GABBR2: variants seen among roughly 807,000 people sequenced by gnomAD.
GABBR2 encodes the protein gamma-aminobutyric acid type B receptor subunit 2.
In GABBR2, 23 loss-of-function variants were observed where a neutral mutation model predicts 105.6. The ratio of observed to expected loss-of-function variants is 0.22; its 90% CI spans 0.16 to 0.31. The LOEUF (loss-of-function observed/expected upper bound fraction) is 0.31. Ranked by LOEUF, GABBR2 falls within the 10% of genes least tolerant of loss-of-function variation. The probability of loss-of-function intolerance (pLI) is 1.00; values close to 1 mark genes in which losing one functional copy is unlikely to be tolerated. For missense variants in GABBR2, 734 were observed against 1,245.5 expected, an observed-to-expected ratio of 0.59 and a Z score of 6.18; for synonymous variants, 478 against 499.7, an observed-to-expected ratio of 0.96 and a Z score of 0.58.
At chr9:98,430,852 T>C (rs1039914874) in intron 7 of GABBR2, among the ~76,000 whole-genome samples, 2 of 152,044 alleles carry the variant, frequency 1.3e-5, no homozygotes, top group African/African-American at 4.8e-5. Context: ...TTCACTTCCT[T>C]TGTGCTCCTC....
chr9:98,570,281 G>T (rs34629716), intron 2 of GABBR2, among the ~76,000 whole-genome samples: 10,325 of 152,272 alleles, frequency 0.068, 471 homozygotes, highest in African/African-American at 0.12. Context: ...TGGGGACAGC[G>T]CTGGGAGAAA....
chr9:98,644,733 G>A (rs946756805), intron 1 of GABBR2, among the ~76,000 whole-genome samples: 8 of 152,292 alleles, frequency 5.3e-5, no homozygotes, highest in African/African-American at 1.9e-4. Flanking sequence ...TCAGGAGGCT[G>A]AGGCAGGAAA....
intron 13 of GABBR2, among the ~76,000 whole-genome samples, chr9:98,325,537 C>A (rs1158368054): frequency 2.6e-5 from 4 of 152,036 alleles, no homozygotes; most frequent in Non-Finnish European, 1.5e-5. Flanking sequence ...GGTGATCTAC[C>A]CATCTCGGTC....
intron 1 of GABBR2, among the ~76,000 whole-genome samples, chr9:98,691,485 G>A (rs1174101527): frequency 6.6e-6 from 1 of 152,194 alleles, no homozygotes; most frequent in African/African-American, 2.4e-5. Flanking sequence ...CGTTGACTGG[G>A]GGGTTGTGTT....
In GABBR2 at chr9:98,394,224, G is replaced by T; in HGVS notation, c.1329C>A (p.Asn443Lys). Residue 443 changes from asparagine to lysine, a missense_variant, in exon 9 of 19, where the codon AAC (asparagine) becomes AAA (lysine). Around this residue, in one of 7 missense-constraint regions of GABBR2, gnomAD observed 370 missense variants for 648.9 expected, o/e 0.57. Transcript: ENST00000259455. ...TGATCTCCAGTGTGTCGGCCACAGC[G>T]TTGTACTCTCCCACCTTCACCTCCC... The part of the protein sequence containing the change: ...DSREVKVGEY[N>K]AVADTLEIIN... 1.2e-6 allele frequency: 2 copies of T among 1,613,878 alleles called. No individual in the cohort carries two copies. The highest frequency in any genetic ancestry group is 1.7e-6 in the Non-Finnish European group (2 of 1,179,768).
chr9:98,326,546 C>T (rs1319865716), intron 13 of GABBR2, among the ~76,000 whole-genome samples: 2 of 152,188 alleles, frequency 1.3e-5, no homozygotes, highest in Non-Finnish European at 1.5e-5. Context: ...GTGGAAGTGA[C>T]ATTTGACTCT....
At position 98,708,706 on chromosome 9, in the gene GABBR2, C is replaced by T; in HGVS notation, c.32G>A (p.Gly11Glu). Residue 11 changes from glycine (G) to glutamate (E), a missense_variant, in exon 1 of 19, where the codon GGG becomes GAG. Physicochemically the swap from Gly to Glu is moderately conservative, Grantham distance 98. Around this residue, in one of 7 missense-constraint regions of GABBR2, gnomAD observed 70 missense variants for 73.4 expected, o/e 0.95. Transcript: ENST00000259455. ...CGGCGGTGGCGGCGGCGGCGGCGGC[C>T]CGGGCTGCCCGGAGCTCCGCGGGGA... is the stretch of plus-strand genomic sequence containing the variant. MASPRSSGQP[G>E]PPPPPPPPPA... The T allele has an allele frequency of 1.0e-6, 1 of 1,000,364 alleles. No individual in the cohort carries two copies. The highest frequency in any genetic ancestry group is 4.5e-5 in the South Asian group (1 of 22,172). The allele number at this position is 1,000,364 out of a possible 1,614,324, so 62.0% of individuals were successfully genotyped here.
chr9:98,567,535 T>C (rs191062059), intron 2 of GABBR2, among the ~76,000 whole-genome samples: 3 of 152,192 alleles, frequency 2.0e-5, no homozygotes, highest in Non-Finnish European at 2.9e-5. Flanking sequence ...CACACAACTT[T>C]AGATCTGAAG....
intron 7 of GABBR2, among the ~76,000 whole-genome samples, chr9:98,421,372 C>T (rs988104535): frequency 1.3e-4 from 20 of 152,208 alleles, no homozygotes; most frequent in Non-Finnish European, 2.5e-4. Context: ...AATGTACAAT[C>T]TTATTCCAAG....
chr9:98,507,542 A>G (rs557335288), intron 3 of GABBR2, among the ~76,000 whole-genome samples: 1 of 152,322 alleles, frequency 6.6e-6, no homozygotes, highest in East Asian at 1.9e-4. Flanking sequence ...TGAACTTCTG[A>G]TCTTCAGAAC....
At chr9:98,300,827 G>C (rs1253514299) in intron 16 of GABBR2, among the ~76,000 whole-genome samples, 1 of 152,228 alleles carries the variant, frequency 6.6e-6, no homozygotes, top group East Asian at 1.9e-4. Flanking sequence ...ATGCTACAGA[G>C]AGGCCAAGAA....
At chr9:98,613,442 G>A (rs113724551) in intron 1 of GABBR2, among the ~76,000 whole-genome samples, 132 of 42,276 alleles carry the variant, frequency 3.1e-3, no homozygotes, top group Admixed American at 7.8e-3. Context: ...ACTGTCTCAG[G>A]GGAAGAAAAA....
intron 7 of GABBR2, among the ~76,000 whole-genome samples, chr9:98,425,418 A>C (rs955794600): frequency 5.9e-5 from 9 of 152,156 alleles, no homozygotes; most frequent in African/African-American, 2.2e-4. Flanking sequence ...TGTGCTTGGT[A>C]CACATGTGTT....
chr9:98,308,637 A>G (rs1049074882), intron 14 of GABBR2, among the ~76,000 whole-genome samples: 25 of 152,188 alleles, frequency 1.6e-4, no homozygotes, highest in Non-Finnish European at 3.2e-4. Context: ...AGAGAAGGCC[A>G]TGTGGAGACA....
At chr9:98,526,485 C>T (rs1010490788) in intron 3 of GABBR2, among the ~76,000 whole-genome samples, 7 of 152,242 alleles carry the variant, frequency 4.6e-5, no homozygotes, top group African/African-American at 1.7e-4. Context: ...CTTTGAGGCT[C>T]TGCTTGACTT....
intron 17 of GABBR2, among the ~76,000 whole-genome samples, chr9:98,298,079 TCTCA>T (rs1830411572): frequency 6.6e-6 from 1 of 151,470 alleles, no homozygotes; most frequent in Admixed American, 6.6e-5. Context: ...AATAGTCCCT[TCTCA>T]CTCACTTTCC....
intron 1 of GABBR2, among the ~76,000 whole-genome samples, chr9:98,580,340 A>G (rs976630936): frequency 6.6e-6 from 1 of 152,118 alleles, no homozygotes; most frequent in African/African-American, 2.4e-5. Context: ...CATAGTTCCT[A>G]AAATTATCTG....
intron 1 of GABBR2, among the ~76,000 whole-genome samples, chr9:98,595,007 A>C (rs1829212285): frequency 6.6e-6 from 1 of 152,150 alleles, no homozygotes; most frequent in Non-Finnish European, 1.5e-5. Context: ...AGCGGGGATG[A>C]GAGAGGGCAC....
chr9:98,641,844 T>C (rs541792410), intron 1 of GABBR2, among the ~76,000 whole-genome samples: 2 of 152,198 alleles, frequency 1.3e-5, no homozygotes, highest in South Asian at 4.2e-4. Flanking sequence ...TGTTTTAGAA[T>C]AAAAGGAGAG....
Sources: allele counts gnomAD v4.1 joint callset (sites outside exome capture counted in the v4.1 genomes callset), GRCh38; gene constraint gnomAD v4.1.1; regional missense constraint gnomAD v4.1.1; transcripts MANE v1.5; gene names NCBI Gene and HGNC (gene_info 2026-07-23, HGNC 2026-07-21).